ERLIN1: variants seen among roughly 807,000 people sequenced by gnomAD.
ERLIN1 encodes erlin-1.
Under a neutral mutation model 46.9 loss-of-function variants are expected in ERLIN1, and 24 were observed. The observed-to-expected ratio is 0.51, with a 90% confidence interval of 0.37 to 0.72. The LOEUF is 0.72. ERLIN1 is among the 30% of genes least tolerant of loss of function. ERLIN1 has a pLI of 0.00. For synonymous variants in ERLIN1, 158 were observed against 143.2 expected, an observed-to-expected ratio of 1.10 and a Z score of -0.74; for missense variants, 293 against 417.9, an observed-to-expected ratio of 0.70 and a Z score of 2.61.
At chr10:100,182,375 T>C (rs531663095) in intron 2 of ERLIN1, among the ~76,000 whole-genome samples, 24 of 152,056 alleles carry the variant, frequency 1.6e-4, no homozygotes, top group Non-Finnish European at 2.6e-4. Flanking sequence ...TTGCTAACAT[T>C]ATTATAGATT....
chr10:100,163,966 T>C (rs1843496956), intron 8 of ERLIN1, 38 bp downstream of exon 8: 1 of 1,341,638 alleles, frequency 7.5e-7, no homozygotes, highest in Non-Finnish European at 1.1e-6. Flanking sequence ...GACAAACAAA[T>C]GTACTTAGAG....
At chr10:100,183,521 A>G (rs1844781118) in intron 2 of ERLIN1, among the ~76,000 whole-genome samples, 1 of 152,254 alleles carries the variant, frequency 6.6e-6, no homozygotes, top group South Asian at 2.1e-4. Context: ...TATAGATGGT[A>G]GAAGTCAGTC....
chr10:100,170,979 C>T lies in ERLIN1; in HGVS notation c.504+3229G>A, dbSNP rs145679459. ...GAAAAATAAACTATTCAGTAATTACCGCTGTTACCCAATTTGGGGTTGAGG... is the reference window on the plus strand; with the variant it reads ...GAAAAATAAACTATTCAGTAATTACTGCTGTTACCCAATTTGGGGTTGAGG... On this transcript the variant is annotated intron_variant, in intron 6 of 10. Coordinates refer to ENST00000421367, the MANE Select transcript of ERLIN1 (RefSeq NM_006459.4). Among the ~76,000 whole-genome samples, 775 of 152,224 alleles carry T rather than the reference C, an allele frequency of 5.1e-3. 4 individuals carry two copies. Among genetic ancestry groups the T allele is most frequent in the Non-Finnish European group, 7.5e-3 (512 of 67,994 alleles).
Position 100,152,127 on chromosome 10 carries a change from T to C in ERLIN1, c.*4A>G. 1 of 1,592,084 alleles carries C rather than the reference T, an allele frequency of 6.3e-7. No homozygotes were observed. Among genetic ancestry groups the C allele is most frequent in the Non-Finnish European group, 8.6e-7 (1 of 1,159,852 alleles). The stretch of plus-strand genomic sequence containing the variant: ...TGATATGGAGAACATTTCCACCTCT[T>C]GCATCAACCTGTGCTCTCTTTGTTT... On this transcript the variant is annotated 3_prime_UTR_variant, in exon 11 of 11. Transcript: ENST00000421367.
chr10:100,167,093 G>T (rs1168314387), intron 7 of ERLIN1, among the ~76,000 whole-genome samples: 3 of 152,164 alleles, frequency 2.0e-5, no homozygotes, highest in Non-Finnish European at 4.4e-5. Flanking sequence ...TAAGCTTCCA[G>T]CAATAGTTTT....
At position 100,177,749 on chromosome 10, in the gene ERLIN1, T is replaced by G. The variant is rs144308526; in HGVS notation, c.304+384A>C. On this transcript the variant is annotated intron_variant, in intron 4 of 10. Coordinates refer to ENST00000421367, the MANE Select transcript of ERLIN1 (RefSeq NM_006459.4). ...GGCTTTCAGACTGCTTTGCAAATTATAGCAAATCTCAACTAGAAAATACTT... is the reference window on the plus strand; with the variant it reads ...GGCTTTCAGACTGCTTTGCAAATTAGAGCAAATCTCAACTAGAAAATACTT... Among the ~76,000 whole-genome samples, 438 of 152,344 alleles carry G rather than the reference T, an allele frequency of 2.9e-3. 4 individuals are homozygous for G. The highest frequency in any genetic ancestry group is 0.01 in the African/African-American group (427 of 41,592).
chr10:100,152,115 A>G lies in ERLIN1; in HGVS notation c.*16T>C. The G allele has an allele frequency of 3.2e-6, 5 of 1,545,776 alleles. No individual in the cohort carries two copies. The highest frequency in any genetic ancestry group is 4.5e-6 in the Non-Finnish European group (5 of 1,117,676). Reference sequence around the variant, plus strand: ...TGGGCCACATCTTGATATGGAGAACATTTCCACCTCTTGCATCAACCTGTG... The same window carrying G: ...TGGGCCACATCTTGATATGGAGAACGTTTCCACCTCTTGCATCAACCTGTG... On this transcript the variant is annotated 3_prime_UTR_variant, in exon 11 of 11. Coordinates refer to ENST00000421367, the MANE Select transcript of ERLIN1 (RefSeq NM_006459.4).
intron 4 of ERLIN1, among the ~76,000 whole-genome samples, chr10:100,176,898 G>A (rs1194559438): frequency 6.6e-6 from 1 of 152,150 alleles, no homozygotes; most frequent in African/African-American, 2.4e-5. Flanking sequence ...TGAGGTGGGT[G>A]GATCATTTGA....
intron 10 of ERLIN1, among the ~76,000 whole-genome samples, chr10:100,153,684 A>G (rs541860506): frequency 1.3e-5 from 2 of 152,324 alleles, no homozygotes; most frequent in African/African-American, 4.8e-5. Flanking sequence ...CCTTTTTAAT[A>G]TAGGTTAGTA....
intron 8 of ERLIN1, among the ~76,000 whole-genome samples, chr10:100,156,486 C>T (rs761710779): frequency 4.6e-5 from 7 of 152,116 alleles, no homozygotes; most frequent in Admixed American, 6.5e-5. Context: ...AAGTGCCAGT[C>T]CTTCATGCAA....
intron 3 of ERLIN1, 41 bp downstream of exon 3, chr10:100,179,160 T>C (rs750834011): frequency 1.3e-6 from 2 of 1,493,338 alleles, no homozygotes; most frequent in East Asian, 4.7e-5. Context: ...AGAAACTCTG[T>C]CTGAGCTAAA....
intron 8 of ERLIN1, 80 bp downstream of exon 8, chr10:100,163,924 A>G (rs1843494358): frequency 1.1e-6 from 1 of 896,098 alleles, no homozygotes; most frequent in Non-Finnish European, 1.8e-6. Flanking sequence ...ACTGAGTCCC[A>G]TGATACCCAA....
intron 5 of ERLIN1, among the ~76,000 whole-genome samples, chr10:100,175,067 G>C: frequency 6.6e-6 from 1 of 152,134 alleles, no homozygotes; most frequent in Non-Finnish European, 1.5e-5. Context: ...AATTTCAGGA[G>C]GGAAAAGTGA....
intron 9 of ERLIN1, among the ~76,000 whole-genome samples, chr10:100,155,359 T>C (rs2134102046): frequency 6.6e-6 from 1 of 151,642 alleles, no homozygotes; most frequent in East Asian, 1.9e-4. Flanking sequence ...ATATAACAAG[T>C]GACTTCAAGA....
intron 6 of ERLIN1, among the ~76,000 whole-genome samples, chr10:100,167,893 C>A (rs554271718): frequency 6.6e-6 from 1 of 152,354 alleles, no homozygotes; most frequent in East Asian, 1.9e-4. Flanking sequence ...TCACTTCCAA[C>A]CCCTGCAATC....
At chr10:100,169,953 G>C (rs1843890831) in intron 6 of ERLIN1, among the ~76,000 whole-genome samples, 3 of 152,098 alleles carry the variant, frequency 2.0e-5, no homozygotes, top group Admixed American at 2.0e-4. Flanking sequence ...AGGAGTTCAA[G>C]GCTGCAGTGA....
intron 10 of ERLIN1, 101 bp downstream of exon 10, chr10:100,154,759 T>C (rs2134100028): frequency 1.1e-6 from 1 of 920,182 alleles, no homozygotes; most frequent in South Asian, 1.5e-5. Flanking sequence ...CTACACTTTC[T>C]TGACAATGGA....
At chr10:100,158,516 C>T (rs569697629) in intron 8 of ERLIN1, among the ~76,000 whole-genome samples, 36 of 151,574 alleles carry the variant, frequency 2.4e-4, no homozygotes, top group Non-Finnish European at 5.0e-4. Flanking sequence ...AGATAACTTT[C>T]ACTCCTTAGT....
chr10:100,155,300 C>A (rs34102046), intron 9 of ERLIN1, among the ~76,000 whole-genome samples: 3,046 of 152,150 alleles, frequency 0.02, 45 homozygotes, highest in Non-Finnish European at 0.032. Context: ...CAGCCCCCCC[C>A]CAAATTTCAT....
Sources: allele counts gnomAD v4.1 joint callset (sites outside exome capture counted in the v4.1 genomes callset), GRCh38; gene constraint gnomAD v4.1.1; transcripts MANE v1.5; gene names NCBI Gene and HGNC (gene_info 2026-07-23, HGNC 2026-07-21).